The following NEDD9 variants were observed in gnomAD, a reference collection of about 807,000 sequenced individuals.
NEDD9 encodes neural precursor cell expressed, developmentally down-regulated 9.
In NEDD9, 26 loss-of-function variants were observed where a neutral mutation model predicts 76.6. The observed-to-expected ratio is 0.34, with a 90% CI of 0.25 to 0.47. The LOEUF (loss-of-function observed/expected upper bound fraction) is 0.47, where lower values mean the gene tolerates loss of function less well. NEDD9 is among the 20% of genes least tolerant of loss of function. NEDD9 has a pLI of 1.00. For missense variants in NEDD9, 937 were observed against 1,058.5 expected, an observed-to-expected ratio of 0.89 and a Z score of 1.59; for synonymous variants, 392 against 414.2, an observed-to-expected ratio of 0.95 and a Z score of 0.65.
chr6:11,301,566 T>C (rs868207259), intron 3 of NEDD9, among the ~76,000 whole-genome samples: 34 of 152,342 alleles, frequency 2.2e-4, no homozygotes, highest in African/African-American at 8.2e-4. Flanking sequence ...GAATATACAT[T>C]CTTCTCAGCA....
intron 3 of NEDD9, among the ~76,000 whole-genome samples, chr6:11,270,049 A>C (rs1180662951): frequency 6.6e-6 from 1 of 152,202 alleles, no homozygotes; most frequent in Non-Finnish European, 1.5e-5. Flanking sequence ...GAATTGCTTG[A>C]ACCCAGGAGG....
intron 1 of NEDD9, among the ~76,000 whole-genome samples, chr6:11,336,884 G>T (rs576330816): frequency 1.3e-5 from 2 of 152,284 alleles, no homozygotes; most frequent in East Asian, 3.9e-4. Context: ...CCCTGCTGGA[G>T]GATCTTCAGG....
chr6:11,200,379 C>T, intron 2 of NEDD9: 1 of 592,738 alleles, frequency 1.7e-6, no homozygotes, highest in Non-Finnish European at 2.7e-6. Flanking sequence ...TCTCTGGAGG[C>T]AGAGAACATC....
chr6:11,380,899 C>G (rs1763050626), intron 1 of NEDD9, among the ~76,000 whole-genome samples: 1 of 152,160 alleles, frequency 6.6e-6, no homozygotes, highest in Non-Finnish European at 1.5e-5. Context: ...GCCTCGACCT[C>G]CTGGGCTCCA....
chr6:11,266,217 G>A (rs1385683800), intron 3 of NEDD9, among the ~76,000 whole-genome samples: 2 of 152,096 alleles, frequency 1.3e-5, no homozygotes, highest in South Asian at 2.1e-4. Flanking sequence ...CTAAAGCAGT[G>A]GTTCTCACCT....
chr6:11,205,367 C>G (rs747600253), intron 2 of NEDD9, among the ~76,000 whole-genome samples: 1 of 152,154 alleles, frequency 6.6e-6, no homozygotes, highest in Non-Finnish European at 1.5e-5. Context: ...CAAAATGAGA[C>G]GGAAGCATGG....
chr6:11,216,894 G>T (rs2113764986), intron 1 of NEDD9, among the ~76,000 whole-genome samples: 1 of 152,306 alleles, frequency 6.6e-6, no homozygotes, highest in East Asian at 1.9e-4. Context: ...CAGAAGAACT[G>T]TTATCTTAAA....
intron 1 of NEDD9, among the ~76,000 whole-genome samples, chr6:11,346,011 A>G (rs1213207536): frequency 6.6e-6 from 1 of 152,198 alleles, no homozygotes; most frequent in African/African-American, 2.4e-5. Context: ...TATCTAAGGC[A>G]TCTCCTACAA....
At chr6:11,253,377 G>A (rs1008503650) in intron 3 of NEDD9, among the ~76,000 whole-genome samples, 36 of 152,290 alleles carry the variant, frequency 2.4e-4, no homozygotes, top group African/African-American at 8.4e-4. Context: ...ATTTCTGAAG[G>A]TAAAATTTGA....
intron 3 of NEDD9, among the ~76,000 whole-genome samples, chr6:11,269,997 C>T (rs953894630): frequency 3.3e-5 from 5 of 152,098 alleles, no homozygotes; most frequent in Non-Finnish European, 5.9e-5. Flanking sequence ...TGTGGTGGTG[C>T]GTGCCTATAA....
intron 3 of NEDD9, among the ~76,000 whole-genome samples, chr6:11,277,248 CT>C (rs747426761): frequency 2.6e-5 from 4 of 152,226 alleles, no homozygotes; most frequent in Non-Finnish European, 4.4e-5. Flanking sequence ...ACTTACACCA[CT>C]GAGTACTTGA....
At chr6:11,217,755 A>G (rs1207593411) in intron 1 of NEDD9, among the ~76,000 whole-genome samples, 1 of 152,246 alleles carries the variant, frequency 6.6e-6, no homozygotes, top group Non-Finnish European at 1.5e-5. Context: ...AATTTAGTCA[A>G]GTGAAATACA....
At chr6:11,205,626 C>T (rs942470881) in intron 2 of NEDD9, among the ~76,000 whole-genome samples, 17 of 151,954 alleles carry the variant, frequency 1.1e-4, no homozygotes, top group Non-Finnish European at 2.1e-4. Context: ...GAGTTACATC[C>T]TACTTTTTTT....
intron 3 of NEDD9, chr6:11,259,054 T>G (rs952176627): frequency 2.0e-5 from 3 of 152,196 alleles, no homozygotes; most frequent in African/African-American, 2.4e-5. Flanking sequence ...ATGCCTGACC[T>G]TTGTGCTGCT....
chr6:11,321,436 C>T (rs1456857449), intron 2 of NEDD9, among the ~76,000 whole-genome samples: 1 of 152,204 alleles, frequency 6.6e-6, no homozygotes, highest in Non-Finnish European at 1.5e-5. Flanking sequence ...GTGAGGTCTG[C>T]AGGACAGACA....
chr6:11,371,014 C>T (rs971856149), intron 1 of NEDD9, among the ~76,000 whole-genome samples: 1 of 152,096 alleles, frequency 6.6e-6, no homozygotes, highest in Non-Finnish European at 1.5e-5. Flanking sequence ...GAAGGTCCTT[C>T]CAGGCAGAGG....
At chr6:11,220,786 G>GGGGTTCCTCAAAAGCT (rs1272611122) in intron 1 of NEDD9, among the ~76,000 whole-genome samples, 1 of 152,178 alleles carries the variant, frequency 6.6e-6, no homozygotes, top group Non-Finnish European at 1.5e-5. Flanking sequence ...CAATTACAAA[G>GGGGTTCCTCAAAAGCT]GGGTTCCTCA....
chr6:11,196,145 A>T (rs1758286995), intron 2 of NEDD9, among the ~76,000 whole-genome samples: 1 of 151,916 alleles, frequency 6.6e-6, no homozygotes, highest in Non-Finnish European at 1.5e-5. Context: ...TCTACTAAAA[A>T]TACACAAAAT....
chr6:11,370,178 AC>A lies in NEDD9; in HGVS notation c.-214+11960del, dbSNP rs1429378157. Among the ~76,000 whole-genome samples the A allele has an allele frequency of 1.6e-4, 12 of 74,624 alleles. No homozygotes were observed. The highest frequency in any genetic ancestry group is 9.2e-4 in the African/African-American group (12 of 13,050). The allele number at this position is 74,624 out of a possible 152,430, so 49.0% of individuals were successfully genotyped here. A position where few individuals can be genotyped will look rare whatever the true frequency, so the allele number is the denominator to read the frequency against. ...TCTCTGCTAAATCATGCTTGTGGGA[AC>A]CCAAGGAGGCCAGCCCCTGAATCAC... On this transcript the variant is annotated intron_variant, in intron 1 of 3. Transcript: ENST00000397378. This position sits in a 1 kb window ranked among gnomAD's most constrained non-coding sequence, Gnocchi z 4.2.
Sources: gnomAD v4.1 joint callset for allele counts (sites outside exome capture counted in the v4.1 genomes callset) on GRCh38, gnomAD v4.1.1 for gene constraint, Gnocchi (gnomAD v3.1) non-coding constraint, MANE v1.5 for transcripts, NCBI Gene and HGNC (gene_info 2026-07-23, HGNC 2026-07-21) for gene names.